ULK4: variants seen among roughly 807,000 people sequenced by gnomAD.
The protein encoded by ULK4 is inactive serine/threonine-protein kinase ULK4.
Under a neutral mutation model 160.6 loss-of-function variants are expected in ULK4, and 133 were observed. That is an observed-to-expected ratio of 0.83 (90% CI 0.72 to 0.96). The LOEUF (loss-of-function observed/expected upper bound fraction) is 0.96. Among genes scored for constraint, ULK4 ranks in the 40% least tolerant of loss-of-function variants. The pLI is 0.00. For synonymous variants in ULK4, 534 were observed against 539.8 expected (o/e 0.99, Z 0.15); for missense variants, 1,580 against 1,499.5 (o/e 1.05, Z -0.89).
At position 41,316,641 on chromosome 3, in the gene ULK4, T is replaced by C. The variant is rs149661935; in HGVS notation, c.3679-67067A>G. ...GAGGGAGACAGGGAGCGGGTGTGGGTTGAAAAACTACCTGCTGGGTATGAT... is the reference window on the plus strand; with the variant it reads ...GAGGGAGACAGGGAGCGGGTGTGGGCTGAAAAACTACCTGCTGGGTATGAT... On this transcript the variant is annotated intron_variant, in intron 35 of 36. Coordinates refer to ENST00000301831, the MANE Select transcript of ULK4 (RefSeq NM_017886.4). 6.3e-4 allele frequency among the ~76,000 whole-genome samples: 96 copies of C among 152,236 alleles called. 1 individual carries two copies. The East Asian group carries it at 0.013, about 21-fold the overall frequency.
intron 34 of ULK4, among the ~76,000 whole-genome samples, chr3:41,449,277 G>A (rs1205169389): frequency 1.3e-5 from 2 of 152,026 alleles, no homozygotes; most frequent in African/African-American, 4.8e-5. Context: ...TGCCCAGGCT[G>A]GTCTTGAACT....
intron 35 of ULK4, among the ~76,000 whole-genome samples, chr3:41,325,343 GA>G (rs1193620209): frequency 6.6e-6 from 1 of 152,246 alleles, no homozygotes; most frequent in African/African-American, 2.4e-5. Context: ...ACTGGAGACA[GA>G]AAAAACTTTT....
chr3:41,503,717 T>G (rs2085286176), intron 32 of ULK4, among the ~76,000 whole-genome samples: 2 of 152,200 alleles, frequency 1.3e-5, no homozygotes, highest in African/African-American at 4.8e-5. Context: ...ATTTAGTATG[T>G]TTTTGTCTTT....
At chr3:41,851,310 C>T (rs1447181187) in intron 17 of ULK4, among the ~76,000 whole-genome samples, 1 of 152,072 alleles carries the variant, frequency 6.6e-6, no homozygotes, top group East Asian at 1.9e-4. Flanking sequence ...TTGTCAAAGG[C>T]CTTTTCTGCA....
chr3:41,334,544 A>G (rs1224344036), intron 35 of ULK4, among the ~76,000 whole-genome samples: 1 of 152,158 alleles, frequency 6.6e-6, no homozygotes, highest in Non-Finnish European at 1.5e-5. Context: ...AATATATATA[A>G]AAAGTGAGCC....
At chr3:41,424,934 G>A (rs1190384645) in intron 34 of ULK4, among the ~76,000 whole-genome samples, 27 of 151,596 alleles carry the variant, frequency 1.8e-4, no homozygotes, top group Admixed American at 1.8e-3. Flanking sequence ...AGAGAACTGG[G>A]CAGAGGCTGA....
chr3:41,471,805 A>G (rs2083998788), intron 32 of ULK4, among the ~76,000 whole-genome samples: 1 of 152,120 alleles, frequency 6.6e-6, no homozygotes, highest in South Asian at 2.1e-4. Context: ...ATTGAGACAA[A>G]TGAAAATGGA....
chr3:41,298,550 A>AGCT (rs1324497745), intron 35 of ULK4, among the ~76,000 whole-genome samples: 1 of 152,208 alleles, frequency 6.6e-6, no homozygotes, highest in Non-Finnish European at 1.5e-5. Context: ...ATTCTGACCT[A>AGCT]GCTGCAAGAA....
intron 35 of ULK4, among the ~76,000 whole-genome samples, chr3:41,319,358 T>C (rs985150754): frequency 5.3e-5 from 8 of 152,236 alleles, no homozygotes; most frequent in Non-Finnish European, 1.2e-4. Flanking sequence ...GAGTTCTCAA[T>C]GGCTCAAAAA....
At chr3:41,948,789 A>AT (rs1559670612) in intron 2 of ULK4, among the ~76,000 whole-genome samples, 1 of 151,924 alleles carries the variant, frequency 6.6e-6, no homozygotes, top group South Asian at 2.1e-4. Context: ...TAAAAGTCAT[A>AT]TATGAAAAAC....
At chr3:41,884,134 C>G (rs1247286488) in intron 16 of ULK4, among the ~76,000 whole-genome samples, 182 bp from the exon 17 acceptor site, 1 of 152,300 alleles carries the variant, frequency 6.6e-6, no homozygotes, top group East Asian at 1.9e-4. Context: ...CCCTCGTATA[C>G]TTAGGGAGAC....
intron 35 of ULK4, among the ~76,000 whole-genome samples, chr3:41,353,190 C>T (rs1049902877): frequency 1.3e-5 from 2 of 152,128 alleles, no homozygotes; most frequent in African/African-American, 2.4e-5. Context: ...ATCTTAGAAC[C>T]CTCTCTGGAA....
At chr3:41,810,203 T>G (rs1415003944) in intron 19 of ULK4, among the ~76,000 whole-genome samples, 1 of 152,204 alleles carries the variant, frequency 6.6e-6, no homozygotes, top group Non-Finnish European at 1.5e-5. Context: ...CTCCAGCTTT[T>G]TATTGTTTTG....
chr3:41,752,420 A>G (rs150035491), intron 22 of ULK4, among the ~76,000 whole-genome samples: 330 of 152,264 alleles, frequency 2.2e-3, no homozygotes, highest in African/African-American at 7.6e-3. Context: ...ATCTAAAACA[A>G]CCAAAAAATA....
At chr3:41,332,776 G>A (rs1332235001) in intron 35 of ULK4, among the ~76,000 whole-genome samples, 2 of 152,040 alleles carry the variant, frequency 1.3e-5, no homozygotes, top group Non-Finnish European at 2.9e-5. Flanking sequence ...AGTACCCAAT[G>A]GTTAGTTTTC....
intron 2 of ULK4, among the ~76,000 whole-genome samples, chr3:41,943,877 C>A (rs142364697): frequency 6.6e-6 from 1 of 152,152 alleles, no homozygotes; most frequent in East Asian, 1.9e-4. Context: ...GCTAATAGAC[C>A]ATTTCCATCA....
At chr3:41,792,532 G>A (rs2040182052) in intron 20 of ULK4, among the ~76,000 whole-genome samples, 1 of 152,054 alleles carries the variant, frequency 6.6e-6, no homozygotes, top group Non-Finnish European at 1.5e-5. Context: ...ACAATTCTTG[G>A]AGGACCTGGC....
rs112525023 is a variant in ULK4, at chr3:41,355,076, T to C, written c.3678+43003A>G. Among the ~76,000 whole-genome samples, 1,079 of 152,314 alleles carry C rather than the reference T, an allele frequency of 7.1e-3. 11 individuals are homozygous for C. Among genetic ancestry groups the C allele is most frequent in the African/African-American group, 0.025 (1,032 of 41,572 alleles). ...TTGTTTGCCAGGAAAATAACAAAAA[T>C]AACTGTGCTAAGGGTAAAGACAATT... On this transcript the variant is annotated intron_variant, in intron 35 of 36. Transcript: ENST00000301831.
chr3:41,947,213 A>C (rs1403364238), intron 2 of ULK4, among the ~76,000 whole-genome samples: 1 of 152,316 alleles, frequency 6.6e-6, no homozygotes, highest in East Asian at 1.9e-4. Context: ...CGGGAGGCTC[A>C]GGCAGGAGAA....
Sources: gnomAD v4.1 joint callset for allele counts (sites outside exome capture counted in the v4.1 genomes callset) on GRCh38, gnomAD v4.1.1 for gene constraint, MANE v1.5 for transcripts, NCBI Gene and HGNC (gene_info 2026-07-23, HGNC 2026-07-21) for gene names.